Variants in HSPG2 observed in about 807,000 individuals in gnomAD.
HSPG2 encodes heparan sulfate proteoglycan 2, also known as basement membrane-specific heparan sulfate proteoglycan core protein.
In HSPG2, 278 loss-of-function variants were observed where a neutral mutation model predicts 526.6. That is an observed-to-expected ratio of 0.53 (90% CI 0.48 to 0.58). The LOEUF is 0.58. HSPG2 is among the 20% of genes least tolerant of loss of function. The pLI, the probability that HSPG2 is intolerant of heterozygous loss-of-function variation, is 0.00. For missense variants in HSPG2, 5,354 were observed against 6,099.5 expected (o/e 0.88, Z 4.07); for synonymous variants, 2,465 against 2,555.4 (o/e 0.96, Z 1.07).
intron 69 of HSPG2, 104 bp from the exon 70 acceptor site, chr1:21,841,777 G>A (rs2098049559): frequency 6.8e-7 from 1 of 1,464,606 alleles, no homozygotes; most frequent in Non-Finnish European, 9.5e-7. Context: ...AATCCCTCCG[G>A]CCTGGGTGTG....
At chr1:21,870,395 G>A (rs974460448) in intron 33 of HSPG2, 6 of 568,184 alleles carry the variant, frequency 1.1e-5, no homozygotes, top group South Asian at 1.6e-4. Flanking sequence ...CTCTACCCAC[G>A]GACATGGTAG....
chr1:21,918,708 G>A (rs1336016762), intron 1 of HSPG2, among the ~76,000 whole-genome samples: 1 of 152,192 alleles, frequency 6.6e-6, no homozygotes, highest in East Asian at 1.9e-4. Flanking sequence ...TATAGTGTGT[G>A]GCACATGCTA....
Position 21,888,059 on chromosome 1 carries a change from C to G in HSPG2, c.582G>C (p.Gln194His), listed in dbSNP as rs1483721746. The G allele has an allele frequency of 1.2e-6, 2 of 1,613,924 alleles. No homozygotes were observed. Among genetic ancestry groups the G allele is most frequent in the African/African-American group, 2.7e-5 (2 of 74,936 alleles). ...CGGCCTCCGTGCAGGCTCTTGGGAA[C>G]TGGGGCACTGCAGGTGGAAAGGAAG... ...FQFRRLGTVPQFPRACTEAEF... is the reference protein window; with the variant it reads ...FQFRRLGTVPHFPRACTEAEF... The change falls in exon 7 of 97, where the codon CAG (glutamine) becomes CAC (histidine). Residue 194 changes from glutamine to histidine, a missense_variant. By Grantham distance (24) the Gln-to-His change is conservative. Transcript: ENST00000374695.
chr1:21,930,739 A>G (rs1439689901), intron 1 of HSPG2, among the ~76,000 whole-genome samples: 1 of 151,534 alleles, frequency 6.6e-6, no homozygotes, highest in East Asian at 1.9e-4. Flanking sequence ...ATACCACTGC[A>G]CTCTAGCCTG....
In HSPG2 at chr1:21,859,430, C is replaced by G; in HGVS notation, c.5293+136G>C. On this transcript the variant is annotated intron_variant, in intron 42 of 96. Transcript: ENST00000374695. This position sits in a 1 kb window ranked among gnomAD's most constrained non-coding sequence, Gnocchi z 5.3. Reference sequence around the variant, plus strand: ...GAGTCTTGAATCTGCCACCTCTCCTCATCTCCATGGCTGCTGACCTTGTTC... The same window carrying G: ...GAGTCTTGAATCTGCCACCTCTCCTGATCTCCATGGCTGCTGACCTTGTTC... 1 of 716,540 alleles carries G rather than the reference C, an allele frequency of 1.4e-6. No individual in the cohort carries two copies. 44.4% of individuals were successfully genotyped at this position (716,540 alleles called of 1,614,324 possible).
rs371573868 is a variant in HSPG2, at chr1:21,833,412, C to T, written c.10979-28G>A. The T allele has an allele frequency of 1.5e-5, 24 of 1,614,106 alleles. No homozygotes were observed. In the African/African-American group the frequency reaches 2.9e-4, roughly 20 times the overall value. On this transcript the variant is annotated intron_variant, in intron 79 of 96. Transcript: ENST00000374695. ...GCCAGCAGAGAGCACAGCTGAAGAC[C>T]CTGCCAGTCAGGGAGTGGGCAGGGC...
intron 14 of HSPG2, 151 bp downstream of exon 14, chr1:21,881,187 GC>G: frequency 1.0e-6 from 1 of 968,840 alleles, no homozygotes; most frequent in South Asian, 1.4e-5. Flanking sequence ...GAGAGGTCCT[GC>G]CCTGAATGGA....
At position 21,824,605 on chromosome 1, in the gene HSPG2, C is replaced by A. The variant is rs760832004; in HGVS notation, c.12676G>T (p.Val4226Leu). The change falls in exon 93 of 97, where the codon GTG (valine) becomes TTG (leucine). Residue 4226 changes from valine (V) to leucine (L), a missense_variant. Physicochemically the swap from Val to Leu is conservative, Grantham distance 32. Coordinates refer to ENST00000374695, the MANE Select transcript of HSPG2 (RefSeq NM_005529.7). The surrounding 1 kb of genome is among the most constrained non-coding windows in gnomAD (Gnocchi z 5.9). ...ACCTCCAGCTCGATGGTCTCGGGCA[C>A]CTCGGGCAGGCTGCGGAGGAAGAGC... Reference protein sequence around the residue: ...GHVFSRSLPEVPETIELEVRT... With the variant: ...GHVFSRSLPELPETIELEVRT... 8 of 1,613,970 alleles carry A rather than the reference C, an allele frequency of 5.0e-6. No homozygotes were observed. The highest frequency in any genetic ancestry group is 6.8e-6 in the Non-Finnish European group (8 of 1,180,054).
intron 20 of HSPG2, 69 bp downstream of exon 20, chr1:21,878,364 G>A (rs746989688): frequency 1.1e-5 from 17 of 1,574,318 alleles, no homozygotes; most frequent in Non-Finnish European, 1.5e-5. Context: ...CAGGGAGGGA[G>A]GGTGCCTGGT....
chr1:21,849,671 G>A (rs1638729381), intron 57 of HSPG2, among the ~76,000 whole-genome samples: 2 of 152,042 alleles, frequency 1.3e-5, no homozygotes, highest in Admixed American at 1.3e-4. Context: ...ACATGCCTGA[G>A]TTCAAAGCCT....
rs761563926 is a variant in HSPG2 at position 21,850,067 on chromosome 1, C to G, written c.7420G>C (p.Gly2474Arg). 7.4e-6 allele frequency: 12 copies of G among 1,613,444 alleles called. No homozygotes were observed. Among genetic ancestry groups the G allele is most frequent in the Non-Finnish European group, 1.0e-5 (12 of 1,180,008 alleles). The change falls in exon 57 of 97, where the codon GGG (glycine) becomes CGG (arginine). Residue 2474 changes from glycine (G) to arginine (R), a missense_variant. By Grantham distance (125) the Gly-to-Arg change is moderately radical. Coordinates refer to ENST00000374695, the MANE Select transcript of HSPG2 (RefSeq NM_005529.7). ...TGGTGCCGGGCCGGGAGGCTGCCCC[C>G]GCGCTTGTGCCACGTGACCTGGGCA... ...AHAQVTWHKR[G>R]GSLPARHQVH... is the part of the protein sequence containing the mutation.
intron 33 of HSPG2, chr1:21,868,873 A>C: frequency 1.1e-6 from 1 of 944,134 alleles, no homozygotes; most frequent in Non-Finnish European, 1.3e-6. Context: ...AATCCCCCCA[A>C]ATCCTTGTTA....
At chr1:21,905,883 C>A (rs10917062) in intron 1 of HSPG2, among the ~76,000 whole-genome samples, 1 of 152,068 alleles carries the variant, frequency 6.6e-6, no homozygotes, top group African/African-American at 2.4e-5. Context: ...TGGTGGTGCA[C>A]ACCTGTAGTC....
At chr1:21,867,323 G>A (rs558120674) in intron 33 of HSPG2, among the ~76,000 whole-genome samples, 6 of 152,112 alleles carry the variant, frequency 3.9e-5, no homozygotes, top group South Asian at 2.1e-4. Context: ...GGCCTGAAGC[G>A]ATTTTTCAGC....
At position 21,887,862 on chromosome 1, in the gene HSPG2, G is replaced by C. The variant is rs1361925308; in HGVS notation, c.703+76C>G. 1 of 1,606,382 alleles carries C rather than the reference G, an allele frequency of 6.2e-7. No homozygotes were observed. The highest frequency in any genetic ancestry group is 2.2e-5 in the East Asian group (1 of 44,832). On this transcript the variant is annotated intron_variant, in intron 7 of 96. Coordinates refer to ENST00000374695, the MANE Select transcript of HSPG2 (RefSeq NM_005529.7). This position sits in a 1 kb window ranked among gnomAD's most constrained non-coding sequence, Gnocchi z 5.0. ...CACCAAACCCTCATAGTCCTTGATG[G>C]GCTCCAAGACCCAGGTGTAGGACCC...
At chr1:21,922,824 A>T (rs1186836799) in intron 1 of HSPG2, among the ~76,000 whole-genome samples, 2 of 152,072 alleles carry the variant, frequency 1.3e-5, no homozygotes, top group East Asian at 3.9e-4. Flanking sequence ...CTTATCACAC[A>T]TTCCTGCCCT....
At chr1:21,854,127 GC>G (rs1557721806) in intron 50 of HSPG2, 65 bp downstream of exon 50, 1 of 1,491,580 alleles carries the variant, frequency 6.7e-7, no homozygotes, top group African/African-American at 1.4e-5. Flanking sequence ...CACTGAAGAA[GC>G]CACAGGCATC....
rs759377826 is a variant in HSPG2 at position 21,884,815 on chromosome 1, T to C, written c.1459A>G (p.Met487Val). The stretch of plus-strand genomic sequence containing the variant: ...ACACCGTCAGGAATGCCAAACACCA[T>C]GCCCCGGGCGTTCATGGCCTCACAG... ...YTCEAMNARGMVFGIPDGVLE... is the reference protein window; with the variant it reads ...YTCEAMNARGVVFGIPDGVLE... The change falls in exon 12 of 97, where the codon ATG (methionine) becomes GTG (valine). Residue 487 changes from methionine to valine, a missense_variant. Coordinates refer to ENST00000374695, the MANE Select transcript of HSPG2 (RefSeq NM_005529.7). 7.4e-6 allele frequency: 12 copies of C among 1,613,678 alleles called. No individual in the cohort carries two copies. The highest frequency in any genetic ancestry group is 2.2e-5 in the East Asian group (1 of 44,896).
At chr1:21,905,062 G>C (rs1338794113) in intron 1 of HSPG2, among the ~76,000 whole-genome samples, 2 of 152,046 alleles carry the variant, frequency 1.3e-5, no homozygotes, top group African/African-American at 4.8e-5. Flanking sequence ...TGAACCTGTC[G>C]GGTTAGGCCT....
Sources: allele counts gnomAD v4.1 joint callset (sites outside exome capture counted in the v4.1 genomes callset), GRCh38; gene constraint gnomAD v4.1.1; non-coding constraint Gnocchi (gnomAD v3.1); transcripts MANE v1.5; gene names NCBI Gene and HGNC (gene_info 2026-07-23, HGNC 2026-07-21).